The following CRYZ variants were observed in gnomAD, a reference collection of about 807,000 sequenced individuals.
The protein encoded by CRYZ is crystallin zeta.
Under a neutral mutation model 34.1 loss-of-function variants are expected in CRYZ, and 35 were observed. The observed-to-expected ratio is 1.03, with a 90% CI of 0.78 to 1.36. The LOEUF (loss-of-function observed/expected upper bound fraction) is 1.36, where lower values mean the gene tolerates loss of function less well. CRYZ is among the 40% of genes most tolerant of loss of function. The pLI, the probability that CRYZ is intolerant of heterozygous loss-of-function variation, is 0.00. For synonymous variants in CRYZ, 137 were observed against 136.5 expected, an observed-to-expected ratio of 1.00 and a Z score of -0.03; for missense variants, 403 against 391.8, an observed-to-expected ratio of 1.03 and a Z score of -0.24.
rs1647045010 is a variant in CRYZ at position 74,714,525 on chromosome 1, T to A, written c.480+54A>T. On this transcript the variant is annotated intron_variant, in intron 5 of 8. Coordinates refer to ENST00000340866, the MANE Select transcript of CRYZ (RefSeq NM_001889.4). ...TTAAAAATGACCAAAGGAACTATAATGTGAAACCCATAAACCCAAGCTTGT... is the reference window on the plus strand; with the variant it reads ...TTAAAAATGACCAAAGGAACTATAAAGTGAAACCCATAAACCCAAGCTTGT... 24 of 1,517,584 alleles carry A rather than the reference T, an allele frequency of 1.6e-5. No individual in the cohort carries two copies. The South Asian group carries it at 2.5e-4, about 16-fold the overall frequency. The allele number at this position is 1,517,584 out of a possible 1,614,324, so 94.0% of individuals were successfully genotyped here.
chr1:74,712,297 T>C (rs1444127065), intron 5 of CRYZ, among the ~76,000 whole-genome samples: 2 of 152,142 alleles, frequency 1.3e-5, no homozygotes, highest in Admixed American at 6.5e-5. Flanking sequence ...GACTATCCCA[T>C]GTATTGAAGG....
intron 1 of CRYZ, among the ~76,000 whole-genome samples, chr1:74,731,999 T>C (rs1231628321): frequency 2.6e-5 from 4 of 152,168 alleles, no homozygotes; most frequent in Non-Finnish European, 5.9e-5. Flanking sequence ...TGGAGGAAGC[T>C]CCGGGAAACC....
chr1:74,723,213 C>G lies in CRYZ; in HGVS notation c.169G>C (p.Gly57Arg). ...AAGAGTGGTTTTCTACTATAAGTAC[C>G]AGAGCGAATGTATGTCTCCACGGGG... Reference protein sequence around the residue: ...VNPVETYIRSGTYSRKPLLPY... With the variant: ...VNPVETYIRSRTYSRKPLLPY... The change falls in exon 3 of 9, where the codon GGT (glycine) becomes CGT (arginine). Residue 57 changes from glycine (G) to arginine (R), a missense_variant. Physicochemically the swap from Gly to Arg is moderately radical, Grantham distance 125. Coordinates refer to ENST00000340866, the MANE Select transcript of CRYZ (RefSeq NM_001889.4). 6.2e-7 allele frequency: 1 copy of G among 1,613,986 alleles called. No individual in the cohort carries two copies. The highest frequency in any genetic ancestry group is 8.5e-7 in the Non-Finnish European group (1 of 1,179,924).
chr1:74,730,111 AAT>A (rs1454621515), intron 1 of CRYZ, among the ~76,000 whole-genome samples: 1 of 151,834 alleles, frequency 6.6e-6, no homozygotes, highest in Non-Finnish European at 1.5e-5. Flanking sequence ...ATTACTCTGA[AAT>A]AGGATCTGTA....
At chr1:74,731,027 C>T (rs550237266) in intron 1 of CRYZ, among the ~76,000 whole-genome samples, 68 of 152,258 alleles carry the variant, frequency 4.5e-4, no homozygotes, top group Non-Finnish European at 7.8e-4. Context: ...ACAGGACAGG[C>T]CTTTCCATTG....
Position 74,724,734 on chromosome 1 carries a change from C to A in CRYZ, c.88G>T (p.Val30Leu). 1 of 1,611,044 alleles carries A rather than the reference C, an allele frequency of 6.2e-7. No homozygotes were observed. Among genetic ancestry groups the A allele is most frequent in the Non-Finnish European group, 8.5e-7 (1 of 1,177,958 alleles). ...EVLKLRSDIAVPIPKDHQVLI... is the reference protein window; with the variant it reads ...EVLKLRSDIALPIPKDHQVLI... ...ACCTGATGGTCTTTTGGAATCGGTA[C>A]TGCAATATCTGATCGCAATTTCAGG... The change falls in exon 2 of 9, where the codon GTA (valine) becomes TTA (leucine). Residue 30 changes from valine (V) to leucine (L), a missense_variant. By Grantham distance (32) the Val-to-Leu change is conservative. Coordinates refer to ENST00000340866, the MANE Select transcript of CRYZ (RefSeq NM_001889.4).
At chr1:74,714,436 A>C (rs986286513) in intron 5 of CRYZ, 143 bp downstream of exon 5, 1 of 697,318 alleles carries the variant, frequency 1.4e-6, no homozygotes, top group Non-Finnish European at 2.4e-6. Context: ...TCAGAAGACC[A>C]AAATCAAAAG....
At chr1:74,719,409 T>C (rs773451876) in intron 3 of CRYZ, 37 bp from the exon 4 acceptor site, 3 of 1,566,350 alleles carry the variant, frequency 1.9e-6, no homozygotes, top group Admixed American at 3.5e-5. Flanking sequence ...GCAGGAAGAC[T>C]AAACATATTA....
intron 3 of CRYZ, among the ~76,000 whole-genome samples, chr1:74,722,539 G>C (rs1432255947): frequency 1.3e-5 from 2 of 151,636 alleles, no homozygotes; most frequent in African/African-American, 4.8e-5. Context: ...AGCAGGTCAA[G>C]GAATTATGAG....
chr1:74,711,001 G>A (rs899914506), intron 5 of CRYZ, among the ~76,000 whole-genome samples: 1 of 152,170 alleles, frequency 6.6e-6, no homozygotes, highest in African/African-American at 2.4e-5. Context: ...TGAAAAAAGT[G>A]AGGAACAAGC....
chr1:74,722,994 C>T (rs559555984), intron 3 of CRYZ, 124 bp downstream of exon 3: 16 of 905,898 alleles, frequency 1.8e-5, no homozygotes, highest in Middle Eastern at 2.5e-4. Flanking sequence ...GAGGAGTCCC[C>T]CGAGTGGCAG....
At position 74,724,817 on chromosome 1, in the gene CRYZ, G is replaced by A. The variant is rs748253759; in HGVS notation, c.5C>T (p.Ala2Val). Residue 2 changes from alanine to valine, a missense_variant, in exon 2 of 9, where the codon GCG (alanine) becomes GTG (valine). Coordinates refer to ENST00000340866, the MANE Select transcript of CRYZ (RefSeq NM_001889.4). M[A>V]TGQKLMRAVR... ...AGCTCTCATCAACTTCTGTCCAGTC[G>A]CCATGGTGATCTAGATACTAAGGAA... The A allele has an allele frequency of 1.6e-5, 26 of 1,601,002 alleles. No homozygotes were observed. Among genetic ancestry groups the A allele is most frequent in the Admixed American group, 5.1e-5 (3 of 58,316 alleles).
At chr1:74,715,925 G>A (rs28589978) in intron 4 of CRYZ, among the ~76,000 whole-genome samples, 9 of 140,008 alleles carry the variant, frequency 6.4e-5, no homozygotes, top group African/African-American at 2.3e-4. Flanking sequence ...TTTTTTTTTC[G>A]AATGAGATTA....
intron 5 of CRYZ, among the ~76,000 whole-genome samples, chr1:74,712,392 G>A (rs939395071): frequency 1.5e-4 from 23 of 152,130 alleles, no homozygotes; most frequent in South Asian, 4.1e-4. Flanking sequence ...GTCCCAGAGC[G>A]GAAGGAGAAA....
chr1:74,727,643 T>TC (rs1451746917), intron 1 of CRYZ, among the ~76,000 whole-genome samples: 1 of 20,874 alleles, frequency 4.8e-5, no homozygotes, highest in African/African-American at 5.2e-4. Context: ...AGACTCTGTC[T>TC]CAAAAAAAAA....
In CRYZ at chr1:74,710,121, C is replaced by G; in HGVS notation, c.607G>C (p.Val203Leu). The G allele has an allele frequency of 6.2e-7, 1 of 1,613,410 alleles. No homozygotes were observed. Among genetic ancestry groups the G allele is most frequent in the Non-Finnish European group, 8.5e-7 (1 of 1,179,582 alleles). ...GAHEVFNHRE[V>L]NYIDKIKKYV... ...ACCTTAATTTTATCAATGTAATTCA[C>G]TTCTCTGTGATTGAACACTTCATGG... Residue 203 changes from valine (V) to leucine (L), a missense_variant, in exon 6 of 9, where the codon GTG becomes CTG. Val to Leu is a conservative substitution (Grantham distance 32, BLOSUM62 1). Transcript: ENST00000340866.
At chr1:74,718,777 G>A (rs1311590729) in intron 4 of CRYZ, among the ~76,000 whole-genome samples, 1 of 152,060 alleles carries the variant, frequency 6.6e-6, no homozygotes, top group African/African-American at 2.4e-5. Flanking sequence ...GCCCAATAGT[G>A]TACTATTAAA....
Position 74,706,230 on chromosome 1 carries a change from G to A in CRYZ, c.*66C>T, listed in dbSNP as rs772878618. ...CGAATGTTAATTAAAGAAAAGATAG[G>A]GTAAGTACAACTGGGGGAAAGACAG... On this transcript the variant is annotated 3_prime_UTR_variant, in exon 9 of 9. Coordinates refer to ENST00000340866, the MANE Select transcript of CRYZ (RefSeq NM_001889.4). 21 of 1,303,780 alleles carry A rather than the reference G, an allele frequency of 1.6e-5. No homozygotes were observed. The highest frequency in any genetic ancestry group is 2.6e-5 in the Admixed American group (1 of 38,724). The allele number at this position is 1,303,780 out of a possible 1,614,324, so 80.8% of individuals were successfully genotyped here. A position where few individuals can be genotyped will look rare whatever the true frequency, so the allele number is the denominator to read the frequency against.
Position 74,706,174 on chromosome 1 carries a change from C to A in CRYZ, c.*122G>T. 1 of 875,830 alleles carries A rather than the reference C, an allele frequency of 1.1e-6. No individual in the cohort carries two copies. The highest frequency in any genetic ancestry group is 1.7e-6 in the Non-Finnish European group (1 of 597,438). The allele number at this position is 875,830 out of a possible 1,614,324, so 54.3% of individuals were successfully genotyped here. ...CTGCTTCTGCTCTCTAAAGAAAAAT[C>A]TTATTTTTTCACATAAGAAGCTCAT... On this transcript the variant is annotated 3_prime_UTR_variant, in exon 9 of 9. Coordinates refer to ENST00000340866, the MANE Select transcript of CRYZ (RefSeq NM_001889.4).
Sources: allele counts gnomAD v4.1 joint callset (sites outside exome capture counted in the v4.1 genomes callset), GRCh38; gene constraint gnomAD v4.1.1; transcripts MANE v1.5; gene names NCBI Gene and HGNC (gene_info 2026-07-23, HGNC 2026-07-21).